Variants in AVL9 observed in about 807,000 individuals in gnomAD.
AVL9 encodes late secretory pathway protein AVL9 homolog.
A neutral mutation model predicts 79.2 loss-of-function variants in AVL9; 49 were observed. That is an observed-to-expected ratio of 0.62 (90% CI 0.49 to 0.79). AVL9 has a LOEUF of 0.79. Among genes scored for constraint, AVL9 ranks in the 30% least tolerant of loss-of-function variants. The pLI is 0.00. For missense variants in AVL9, 682 were observed against 776.8 expected (o/e 0.88, Z 1.45); for synonymous variants, 299 against 280.6 (o/e 1.07, Z -0.65).
chr7:32,570,120 G>C lies in AVL9; in HGVS notation c.1316G>C (p.Arg439Pro). The C allele has an allele frequency of 6.2e-7, 1 of 1,614,042 alleles. No individual in the cohort carries two copies. The highest frequency in any genetic ancestry group is 8.5e-7 in the Non-Finnish European group (1 of 1,180,006). The change falls in exon 11 of 16, where the codon CGA (arginine) becomes CCA (proline). Residue 439 changes from arginine (R) to proline (P), a missense_variant. Coordinates refer to ENST00000318709, the MANE Select transcript of AVL9 (RefSeq NM_015060.3). ...GCTGGAGCTACTAACATCCTTTTTCGACAACAGAAACACCTCAGTGATGCC... is the reference window on the plus strand; with the variant it reads ...GCTGGAGCTACTAACATCCTTTTTCCACAACAGAAACACCTCAGTGATGCC... ...FVAGATNILF[R>P]QQKHLSDAIV...
chr7:32,498,104 C>CT (rs1786940531), intron 1 of AVL9, among the ~76,000 whole-genome samples: 1 of 152,206 alleles, frequency 6.6e-6, no homozygotes, highest in Non-Finnish European at 1.5e-5. Context: ...AGCATGATAA[C>CT]TTTGTCATTT....
intron 11 of AVL9, among the ~76,000 whole-genome samples, chr7:32,571,337 G>A (rs1423618560): frequency 2.0e-5 from 3 of 151,312 alleles, no homozygotes; most frequent in Non-Finnish European, 2.9e-5. Flanking sequence ...AGACCAGCCT[G>A]CCCAACATGG....
At chr7:32,514,705 A>G (rs1787833960) in intron 1 of AVL9, among the ~76,000 whole-genome samples, 1 of 152,154 alleles carries the variant, frequency 6.6e-6, no homozygotes, top group Non-Finnish European at 1.5e-5. Flanking sequence ...ATCCTGGCTC[A>G]GAAACCTTCC....
At chr7:32,503,339 TATATAG>T (rs751049487) in intron 1 of AVL9, among the ~76,000 whole-genome samples, 2 of 88,780 alleles carry the variant, frequency 2.3e-5, no homozygotes, top group Non-Finnish European at 4.7e-5. Context: ...TATATCTATA[TATATAG>T]ATATAGATAT....
intron 1 of AVL9, among the ~76,000 whole-genome samples, chr7:32,525,412 A>G (rs1428607377): frequency 6.6e-6 from 1 of 152,218 alleles, no homozygotes; most frequent in Non-Finnish European, 1.5e-5. Context: ...ATAGTCAATG[A>G]ATTCTTGCTG....
rs141525882 is a variant in AVL9, at chr7:32,555,754, C to T, written c.609+1158C>T. Among the ~76,000 whole-genome samples the T allele has an allele frequency of 6.8e-3, 1,039 of 152,224 alleles. 13 individuals are homozygous for T. Among genetic ancestry groups the T allele is most frequent in the African/African-American group, 0.024 (979 of 41,528 alleles). ...TTGGATCTGGGCCAGTTTTATACAC[C>T]GTATTACTGTGCCTAGTGGAGTCGG... On this transcript the variant is annotated intron_variant, in intron 8 of 15. Transcript: ENST00000318709.
At chr7:32,543,780 G>A (rs933869298) in intron 2 of AVL9, among the ~76,000 whole-genome samples, 5 of 152,220 alleles carry the variant, frequency 3.3e-5, no homozygotes, top group Admixed American at 6.5e-5. Flanking sequence ...AGTTCTTACC[G>A]AATCTCTTAC....
chr7:32,543,676 C>T (rs1489144112), intron 2 of AVL9, among the ~76,000 whole-genome samples: 1 of 152,190 alleles, frequency 6.6e-6, no homozygotes, highest in East Asian at 1.9e-4. Flanking sequence ...GTTTTTGTGC[C>T]TCTGGAACCA....
At chr7:32,558,529 C>G in intron 8 of AVL9, 30 bp from the exon 9 acceptor site, 1 of 1,538,836 alleles carries the variant, frequency 6.5e-7, no homozygotes, top group South Asian at 1.2e-5. Context: ...CATGGGTCTT[C>G]TAATTTGATT....
chr7:32,524,214 T>TA (rs997802947), intron 1 of AVL9, among the ~76,000 whole-genome samples: 5 of 152,014 alleles, frequency 3.3e-5, no homozygotes, highest in African/African-American at 1.2e-4. Context: ...TTACCTGTCT[T>TA]ATGAAAATGG....
chr7:32,514,218 C>G (rs916077018), intron 1 of AVL9, among the ~76,000 whole-genome samples: 1 of 152,142 alleles, frequency 6.6e-6, no homozygotes, highest in Non-Finnish European at 1.5e-5. Flanking sequence ...TCCCTTCCCA[C>G]GAGGCCATAT....
rs773763689 is a variant in AVL9, at chr7:32,538,608, TC to T, written c.94-4529del. ...AACAGGAGTATTCGCTTATCTTCCA[TC>T]CCCAACCTCATTCTCCTCTCCAGAG... On this transcript the variant is annotated intron_variant, in intron 1 of 15. Transcript: ENST00000318709. 6 of 152,196 alleles carry T rather than the reference TC, an allele frequency of 3.9e-5. No individual in the cohort carries two copies. The East Asian group carries it at 1.2e-3, about 29-fold the overall frequency. 9.4% of individuals were successfully genotyped at this position (152,196 alleles called of 1,614,324 possible).
At chr7:32,509,140 C>T (rs931476961) in intron 1 of AVL9, among the ~76,000 whole-genome samples, 7 of 152,254 alleles carry the variant, frequency 4.6e-5, no homozygotes, top group Admixed American at 3.3e-4. Context: ...CCCTTTCTGG[C>T]GTGGAAGCAG....
At chr7:32,546,083 T>A (rs73687023) in intron 3 of AVL9, among the ~76,000 whole-genome samples, 19 of 144,740 alleles carry the variant, frequency 1.3e-4, no homozygotes, top group East Asian at 4.0e-4. Context: ...TTTTTTTTTT[T>A]AAATATCTGT....
intron 1 of AVL9, among the ~76,000 whole-genome samples, chr7:32,501,631 G>A (rs564718437): frequency 1.1e-3 from 165 of 152,330 alleles, no homozygotes; most frequent in Non-Finnish European, 2.1e-3. Context: ...AGCGGAGTGG[G>A]TGTCAACTTG....
intron 10 of AVL9, among the ~76,000 whole-genome samples, chr7:32,566,815 G>A (rs1407234012): frequency 3.3e-5 from 5 of 152,114 alleles, no homozygotes; most frequent in Non-Finnish European, 4.4e-5. Context: ...CCCGGGAGGC[G>A]GAGCTTGCAG....
intron 13 of AVL9, 87 bp downstream of exon 13, chr7:32,576,159 A>G: frequency 1.1e-6 from 1 of 892,186 alleles, no homozygotes; most frequent in African/African-American, 1.7e-5. Flanking sequence ...TAACTTTGAT[A>G]TTGTGAATAT....
At chr7:32,551,201 T>C in intron 4 of AVL9, 133 bp from the exon 5 acceptor site, 1 of 626,256 alleles carries the variant, frequency 1.6e-6, no homozygotes, top group Non-Finnish European at 2.8e-6. Context: ...TAATACGCAC[T>C]AAAGTTGATA....
intron 13 of AVL9, among the ~76,000 whole-genome samples, chr7:32,579,530 AT>A (rs368906889): frequency 0.17 from 944 of 5,554 alleles, 382 homozygotes; most frequent in East Asian, 0.45. Context: ...TATATTATAT[AT>A]TATATTATAT....
Sources: allele counts gnomAD v4.1 joint callset (sites outside exome capture counted in the v4.1 genomes callset), GRCh38; gene constraint gnomAD v4.1.1; transcripts MANE v1.5; gene names NCBI Gene and HGNC (gene_info 2026-07-23, HGNC 2026-07-21).